The following SLC11A2 variants were observed in gnomAD, a reference collection of about 807,000 sequenced individuals.
SLC11A2 encodes the protein natural resistance-associated macrophage protein 2.
In SLC11A2, 38 loss-of-function variants were observed where a neutral mutation model predicts 68.0. The observed-to-expected ratio is 0.56, with a 90% CI of 0.43 to 0.73. The LOEUF (loss-of-function observed/expected upper bound fraction) is 0.73, where lower values mean the gene tolerates loss of function less well. Ranked by LOEUF, SLC11A2 falls within the 30% of genes least tolerant of loss-of-function variation. The probability of loss-of-function intolerance (pLI) is 0.00; values close to 1 mark genes in which losing one functional copy is unlikely to be tolerated. For missense variants in SLC11A2, 517 were observed against 690.5 expected (o/e 0.75, Z 2.82); for synonymous variants, 242 against 250.6 (o/e 0.97, Z 0.32).
In SLC11A2 at chr12:50,988,373, G is replaced by C; in HGVS notation, c.1638C>G (p.Ile546Met). 1 of 1,614,052 alleles carries C rather than the reference G, an allele frequency of 6.2e-7. No homozygotes were observed. Among genetic ancestry groups the C allele is most frequent in the Non-Finnish European group, 8.5e-7 (1 of 1,179,938 alleles). The change falls in exon 16 of 16, where the codon ATC (isoleucine) becomes ATG (methionine). Residue 546 changes from isoleucine (I) to methionine (M), a missense_variant. By Grantham distance (10) the Ile-to-Met change is conservative. Coordinates refer to ENST00000262052, the MANE Select transcript of SLC11A2 (RefSeq NM_000617.3). ...SFLDCGHTVS[I>M]SKGLLTEEAT... ...CTTCTTCTGTCAGCAGGCCTTTAGA[G>C]ATGCTTACCGTATGCCCACAGTCCA...
chr12:50,971,546 C>A, the SLC11A2 span, among the ~76,000 whole-genome samples: 9 of 152,160 alleles, frequency 5.9e-5, no homozygotes, highest in Admixed American at 4.6e-4. Flanking sequence ...GTAGAAAACA[C>A]AAGAAACCAA....
At chr12:51,015,499 T>TA (rs58477796) in intron 1 of SLC11A2, among the ~76,000 whole-genome samples, 3,028 of 131,226 alleles carry the variant, frequency 0.023, 78 homozygotes, top group African/African-American at 0.063. Context: ...ATTAAATAGT[T>TA]AAAAAAAAAA....
In SLC11A2 at chr12:51,004,825, A is replaced by G; in HGVS notation, c.392T>C (p.Leu131Pro). The G allele has an allele frequency of 6.2e-7, 1 of 1,614,116 alleles. No homozygotes were observed. The highest frequency in any genetic ancestry group is 8.5e-7 in the Non-Finnish European group (1 of 1,179,980). ...ACGGTGACATACTTCAGCAAGATGCAGCCCAGTAACCACTCCCAGTCTAGC... is the reference window on the plus strand; with the variant it reads ...ACGGTGACATACTTCAGCAAGATGCGGCCCAGTAACCACTCCCAGTCTAGC... ...LAARLGVVTG[L>P]HLAEVCHRQY... is the part of the protein sequence containing the mutation. Residue 131 changes from leucine to proline, a missense_variant, in exon 5 of 16, where the codon CTG becomes CCG. Physicochemically the swap from Leu to Pro is moderately conservative, Grantham distance 98. Transcript: ENST00000262052.
downstream of SLC11A2, chr12:50,980,578 A>G (rs1336197743): frequency 3.9e-5 from 6 of 152,274 alleles, no homozygotes; most frequent in Non-Finnish European, 8.8e-5. Flanking sequence ...TGAAAAAAAA[A>G]ATCTATACAT....
downstream of SLC11A2, among the ~76,000 whole-genome samples, chr12:50,977,824 G>A (rs1047891282): frequency 2.0e-5 from 3 of 152,140 alleles, no homozygotes; most frequent in African/African-American, 7.2e-5. Flanking sequence ...CCATCAACAA[G>A]TGGGTGAAGG....
At chr12:50,974,441 A>G (rs188157151), downstream of SLC11A2, among the ~76,000 whole-genome samples, 3 of 152,338 alleles carry the variant, frequency 2.0e-5, no homozygotes, top group East Asian at 1.9e-4. Flanking sequence ...GCAAATGCTG[A>G]GAGATTCTGT....
chr12:51,018,064 T>C (rs1025138672), intron 1 of SLC11A2, among the ~76,000 whole-genome samples: 8 of 152,186 alleles, frequency 5.3e-5, no homozygotes, highest in African/African-American at 1.9e-4. Flanking sequence ...TTATAAGAAC[T>C]CTGGAAGAAC....
downstream of SLC11A2, among the ~76,000 whole-genome samples, chr12:50,976,845 C>T (rs1939855325): frequency 6.6e-6 from 1 of 152,092 alleles, no homozygotes; most frequent in Non-Finnish European, 1.5e-5. Flanking sequence ...TTCTTATACA[C>T]CAATAACAGA....
intron 3 of SLC11A2, 72 bp from the exon 4 acceptor site, chr12:51,005,508 C>T (rs1212997829): frequency 5.0e-6 from 8 of 1,599,684 alleles, no homozygotes; most frequent in Non-Finnish European, 6.0e-6. Flanking sequence ...TCTGTTATCA[C>T]ATATGAAGCA....
intron 1 of SLC11A2, among the ~76,000 whole-genome samples, chr12:51,021,967 G>A (rs1349768183): frequency 3.9e-5 from 6 of 152,064 alleles, no homozygotes; most frequent in Non-Finnish European, 8.8e-5. Flanking sequence ...ATTAGAAGGG[G>A]CTGGTACCCA....
At chr12:50,997,966 G>A (rs1276010326) in intron 8 of SLC11A2, among the ~76,000 whole-genome samples, 9 of 144,104 alleles carry the variant, frequency 6.2e-5, no homozygotes, top group African/African-American at 1.3e-4. Context: ...CAGCCTGGGC[G>A]AAAGAGGGAG....
rs777409764 is a variant in SLC11A2, at chr12:50,995,771, C to T, written c.848G>A (p.Arg283Gln). The T allele has an allele frequency of 1.4e-5, 23 of 1,613,964 alleles. No homozygotes were observed. The highest frequency in any genetic ancestry group is 4.0e-5 in the African/African-American group (3 of 74,924). ...SALVKSRQVN[R>Q]NNKQEVREAN... ...TTCTCGAACTTCCTGCTTATTGTTC[C>T]GGTTTACCTGTCTAGACTAGAAAGA... Residue 283 changes from arginine (R) to glutamine (Q), a missense_variant, in exon 10 of 16, where the codon CGG (arginine) becomes CAG (glutamine). Coordinates refer to ENST00000262052, the MANE Select transcript of SLC11A2 (RefSeq NM_000617.3).
chr12:50,988,409 G>T lies in SLC11A2; in HGVS notation c.1602C>A (p.Gly534=), dbSNP rs768270280. Residue 534 remains glycine, a synonymous_variant, in exon 16 of 16, where the codon GGC becomes GGA. Coordinates refer to ENST00000262052, the MANE Select transcript of SLC11A2 (RefSeq NM_000617.3). Reference sequence around the variant, plus strand: ...TATGCCCACAGTCCAGGAAGGACATGCCCAGTGCAATCAAACATTGCCAAC... The same window carrying T: ...TATGCCCACAGTCCAGGAAGGACATTCCCAGTGCAATCAAACATTGCCAAC... ...YLGWQCLIAL[G]MSFLDCGHTV... 6 of 1,613,972 alleles carry T rather than the reference G, an allele frequency of 3.7e-6. No homozygotes were observed. The highest frequency in any genetic ancestry group is 5.1e-6 in the Non-Finnish European group (6 of 1,179,872).
intron 2 of SLC11A2, among the ~76,000 whole-genome samples, chr12:51,010,387 G>A (rs1016231645): frequency 3.3e-5 from 5 of 151,462 alleles, no homozygotes; most frequent in South Asian, 2.1e-4. Context: ...GCATTGTGGC[G>A]TGTGCCTTTA....
chr12:50,981,622 G>C, downstream of SLC11A2: 1 of 763,282 alleles, frequency 1.3e-6, no homozygotes, highest in Non-Finnish European at 2.2e-6. Flanking sequence ...TGTTCAAAAC[G>C]TCTGAACAAA....
At chr12:51,028,007 G>C (rs530129121), upstream of SLC11A2, among the ~76,000 whole-genome samples, 1 of 152,188 alleles carries the variant, frequency 6.6e-6, no homozygotes, top group South Asian at 2.1e-4. Flanking sequence ...TTAGTTCTGA[G>C]ATTCTCGCTA....
intron 5 of SLC11A2, among the ~76,000 whole-genome samples, chr12:51,003,220 G>A (rs1043406891): frequency 3.3e-5 from 5 of 151,866 alleles, no homozygotes; most frequent in African/African-American, 1.2e-4. Context: ...GGGTGAAAGA[G>A]TGAAACTCCG....
At position 50,986,607 on chromosome 12, in the gene SLC11A2, G is replaced by A. The variant is rs1428836172; in HGVS notation, c.*1718C>T. 1 of 1,286,528 alleles carries A rather than the reference G, an allele frequency of 7.8e-7. No individual in the cohort carries two copies. The highest frequency in any genetic ancestry group is 1.5e-5 in the African/African-American group (1 of 65,620). 79.7% of individuals were successfully genotyped at this position (1,286,528 alleles called of 1,614,324 possible). ...TGTCGTCAGTTTGGCCTTTCCTACT[G>A]CAGCCAGGTGAGAGCTTAAGATGTC... is the stretch of plus-strand genomic sequence containing the variant. On this transcript the variant is annotated 3_prime_UTR_variant, in exon 16 of 16. Coordinates refer to ENST00000262052, the MANE Select transcript of SLC11A2 (RefSeq NM_000617.3).
chr12:50,974,763 C>T (rs1416317828), downstream of SLC11A2, among the ~76,000 whole-genome samples: 2 of 152,142 alleles, frequency 1.3e-5, no homozygotes, highest in African/African-American at 2.4e-5. Context: ...TGCAGAGACA[C>T]ACATAGGCTC....
Sources: allele counts gnomAD v4.1 joint callset (sites outside exome capture counted in the v4.1 genomes callset), GRCh38; gene constraint gnomAD v4.1.1; transcripts MANE v1.5; gene names NCBI Gene and HGNC (gene_info 2026-07-23, HGNC 2026-07-21).